RNF2: variants seen among roughly 807,000 people sequenced by gnomAD.
The protein encoded by RNF2 is E3 ubiquitin-protein ligase RING2.
A neutral mutation model predicts 37.2 loss-of-function variants in RNF2; 6 were observed. The ratio of observed to expected loss-of-function variants is 0.16; its 90% CI spans 0.09 to 0.32. RNF2 has a LOEUF of 0.32. RNF2 is among the 10% of genes least tolerant of loss of function. The probability of loss-of-function intolerance (pLI) is 1.00; values close to 1 mark genes in which losing one functional copy is unlikely to be tolerated. For missense variants in RNF2, 251 were observed against 404.0 expected, an observed-to-expected ratio of 0.62 and a Z score of 3.25; for synonymous variants, 133 against 132.7, an observed-to-expected ratio of 1.00 and a Z score of -0.02.
intron 1 of RNF2, chr1:185,045,955 C>G (rs1027267761): frequency 6.6e-6 from 1 of 152,426 alleles, no homozygotes; most frequent in Middle Eastern, 3.4e-3. Flanking sequence ...TTTCGCTGCC[C>G]TTTCCTCTGC....
intron 1 of RNF2, among the ~76,000 whole-genome samples, chr1:185,049,953 AC>A (rs758571203): frequency 1.6e-4 from 25 of 152,294 alleles, no homozygotes; most frequent in Middle Eastern, 3.4e-3. Context: ...GTCTTCACTT[AC>A]TGCTGCTATT....
At chr1:185,073,582 A>G (rs985562205) in intron 1 of RNF2, among the ~76,000 whole-genome samples, 16 of 152,224 alleles carry the variant, frequency 1.1e-4, no homozygotes, top group African/African-American at 3.9e-4. Flanking sequence ...AAAAGGACAC[A>G]TAAATGTGAT....
intron 1 of RNF2, among the ~76,000 whole-genome samples, chr1:185,065,695 C>T (rs1027532063): frequency 4.6e-5 from 7 of 152,174 alleles, no homozygotes; most frequent in East Asian, 1.9e-4. Flanking sequence ...GAACAAATTC[C>T]GGACACACCA....
chr1:185,088,147 AT>A (rs1173203470), intron 2 of RNF2, among the ~76,000 whole-genome samples: 1 of 152,226 alleles, frequency 6.6e-6, no homozygotes, highest in Non-Finnish European at 1.5e-5. Flanking sequence ...TAAATACAAA[AT>A]TTTAGGGATT....
chr1:185,077,433 T>A (rs774076352), intron 1 of RNF2, among the ~76,000 whole-genome samples: 169 of 152,226 alleles, frequency 1.1e-3, no homozygotes, highest in Middle Eastern at 3.4e-3. Flanking sequence ...GTTTTAACAT[T>A]GATTGTTTTG....
At chr1:185,086,373 A>G (rs1347192852) in intron 1 of RNF2, among the ~76,000 whole-genome samples, 1 of 151,982 alleles carries the variant, frequency 6.6e-6, no homozygotes, top group Non-Finnish European at 1.5e-5. Flanking sequence ...TTTTTTATCT[A>G]CAACCCTCTT....
At chr1:185,061,502 G>A (rs1176009635) in intron 1 of RNF2, among the ~76,000 whole-genome samples, 3 of 152,062 alleles carry the variant, frequency 2.0e-5, no homozygotes, top group Non-Finnish European at 4.4e-5. Context: ...CAGTATAGAG[G>A]AAAACGATAG....
rs766104142 is a variant in RNF2 at position 185,098,109 on chromosome 1, A to G, written c.502A>G (p.Ser168Gly). The G allele has an allele frequency of 6.2e-7, 1 of 1,614,216 alleles. No homozygotes were observed. Among genetic ancestry groups the G allele is most frequent in the Non-Finnish European group, 8.5e-7 (1 of 1,180,034 alleles). Residue 168 changes from serine to glycine, a missense_variant, in exon 5 of 7, where the codon AGT (serine) becomes GGT (glycine). By Grantham distance (56) the Ser-to-Gly change is moderately conservative. This residue lies in a region of RNF2 where 94 missense variants were observed against 99.2 expected (regional missense o/e 0.95). Coordinates refer to ENST00000367510, the MANE Select transcript of RNF2 (RefSeq NM_007212.4). ...CAAGAAACAACAGATTGAAAATGGTAGTGGAGCAGAAGATAATGGTGACAG... is the reference window on the plus strand; with the variant it reads ...CAAGAAACAACAGATTGAAAATGGTGGTGGAGCAGAAGATAATGGTGACAG... The part of the protein sequence containing the change: ...RGKKQQIENG[S>G]GAEDNGDSSH...
At chr1:185,047,259 A>C (rs1446457392) in intron 1 of RNF2, among the ~76,000 whole-genome samples, 2 of 152,222 alleles carry the variant, frequency 1.3e-5, no homozygotes, top group Non-Finnish European at 2.9e-5. Context: ...AATCCGTTTG[A>C]GTATTTGAAA....
chr1:185,065,382 GC>G (rs1196403142), intron 1 of RNF2, among the ~76,000 whole-genome samples: 3 of 152,216 alleles, frequency 2.0e-5, no homozygotes, highest in African/African-American at 7.2e-5. Flanking sequence ...CCCAGTGGCA[GC>G]CTTCTCTGGT....
intron 1 of RNF2, among the ~76,000 whole-genome samples, chr1:185,081,271 C>G (rs1186547405): frequency 6.6e-6 from 1 of 152,136 alleles, no homozygotes; most frequent in Non-Finnish European, 1.5e-5. Flanking sequence ...TTTTCTGCAT[C>G]CTGCTAGTTG....
At chr1:185,073,346 A>G (rs903635305) in intron 1 of RNF2, among the ~76,000 whole-genome samples, 50 of 152,304 alleles carry the variant, frequency 3.3e-4, no homozygotes, top group East Asian at 1.2e-3. Context: ...AGTTATTACA[A>G]TATCAAAACT....
At chr1:185,074,583 C>G (rs1370924195) in intron 1 of RNF2, among the ~76,000 whole-genome samples, 1 of 151,856 alleles carries the variant, frequency 6.6e-6, no homozygotes, top group African/African-American at 2.4e-5. Flanking sequence ...GTGCCAGGAA[C>G]CAAGGACTAA....
chr1:185,086,611 C>A (rs116651968), intron 1 of RNF2, among the ~76,000 whole-genome samples: 1 of 152,224 alleles, frequency 6.6e-6, no homozygotes, highest in Non-Finnish European at 1.5e-5. Flanking sequence ...GAAAGGCTGT[C>A]ATGTAGAAAA....
intron 1 of RNF2, among the ~76,000 whole-genome samples, chr1:185,082,803 C>G (rs891488092): frequency 7.9e-5 from 12 of 152,208 alleles, no homozygotes; most frequent in African/African-American, 2.4e-4. Flanking sequence ...TGTTTTTTGT[C>G]TAATAACATT....
intron 1 of RNF2, among the ~76,000 whole-genome samples, chr1:185,079,863 G>A (rs1651292703): frequency 6.6e-6 from 1 of 152,092 alleles, no homozygotes; most frequent in South Asian, 2.1e-4. Flanking sequence ...CCGGGAGGTG[G>A]AGGTTGCAGT....
chr1:185,055,175 A>G (rs912455660), intron 1 of RNF2, among the ~76,000 whole-genome samples: 7 of 152,148 alleles, frequency 4.6e-5, no homozygotes, highest in Admixed American at 4.6e-4. Flanking sequence ...AATCCTTAGG[A>G]CCAGAAGTAT....
At chr1:185,089,674 G>A (rs773046345) in intron 2 of RNF2, among the ~76,000 whole-genome samples, 2 of 152,100 alleles carry the variant, frequency 1.3e-5, no homozygotes, top group Non-Finnish European at 2.9e-5. Context: ...ATGCAGGGGA[G>A]CAGAGAAATG....
At chr1:185,097,872 T>A (rs1651956876) in intron 4 of RNF2, among the ~76,000 whole-genome samples, 200 bp from the exon 5 acceptor site, 1 of 152,246 alleles carries the variant, frequency 6.6e-6, no homozygotes, top group Admixed American at 6.5e-5. Context: ...TTCGTTAAAT[T>A]ATTTAAATGT....
Sources: allele counts gnomAD v4.1 joint callset (sites outside exome capture counted in the v4.1 genomes callset), GRCh38; gene constraint gnomAD v4.1.1; regional missense constraint gnomAD v4.1.1; transcripts MANE v1.5; gene names NCBI Gene and HGNC (gene_info 2026-07-23, HGNC 2026-07-21).